EFNA5: variants seen among roughly 807,000 people sequenced by gnomAD.
The protein encoded by EFNA5 is ephrin A5.
A neutral mutation model predicts 22.9 loss-of-function variants in EFNA5; 5 were observed. The ratio of observed to expected loss-of-function variants is 0.22; its 90% CI spans 0.11 to 0.46. The LOEUF is 0.46. EFNA5 is among the 20% of genes least tolerant of loss of function. The pLI, the probability that EFNA5 is intolerant of heterozygous loss-of-function variation, is 0.99. For synonymous variants in EFNA5, 113 were observed against 112.2 expected (o/e 1.01, Z -0.04); for missense variants, 237 against 293.3 (o/e 0.81, Z 1.40).
chr5:107,656,452 T>C (rs527244175), intron 1 of EFNA5, among the ~76,000 whole-genome samples: 1 of 152,282 alleles, frequency 6.6e-6, no homozygotes, highest in South Asian at 2.1e-4. Flanking sequence ...TATTACAAAA[T>C]GATACAATTT....
intron 2 of EFNA5, among the ~76,000 whole-genome samples, chr5:107,398,854 C>CAAAAAAAAAAAAAAAAA (rs1214380627): frequency 1.5e-5 from 1 of 65,004 alleles, no homozygotes. Flanking sequence ...GACACTGCCT[C>CAAAAAAAAAAAAAAAAA]AAAAAAAAAA....
chr5:107,463,081 A>C (rs1412962288), intron 1 of EFNA5, among the ~76,000 whole-genome samples: 1 of 152,132 alleles, frequency 6.6e-6, no homozygotes, highest in African/African-American at 2.4e-5. Flanking sequence ...GATTAGATAG[A>C]GAGGCAAGGG....
At chr5:107,381,730 C>T (rs532851936) in intron 4 of EFNA5, among the ~76,000 whole-genome samples, 1 of 150,656 alleles carries the variant, frequency 6.6e-6, no homozygotes, top group South Asian at 2.1e-4. Context: ...ATGTCACAGG[C>T]AAGCAAGTGA....
At position 107,639,784 on chromosome 5, in the gene EFNA5, A is replaced by G. The variant is rs909627305; in HGVS notation, c.125+30705T>C. ...ATCAAACAAATGTCTATTAAAACAC[A>G]TTTTTTGTTTCTTAAAAAAAACCCA... On this transcript the variant is annotated intron_variant, in intron 1 of 4. Coordinates refer to ENST00000333274, the MANE Select transcript of EFNA5 (RefSeq NM_001962.3). 2.6e-5 allele frequency among the ~76,000 whole-genome samples: 4 copies of G among 152,140 alleles called. No individual in the cohort carries two copies. The East Asian group carries it at 5.8e-4, about 22-fold the overall frequency.
intron 1 of EFNA5, among the ~76,000 whole-genome samples, chr5:107,466,729 A>T (rs1209198063): frequency 6.6e-6 from 1 of 152,172 alleles, no homozygotes; most frequent in Non-Finnish European, 1.5e-5. Flanking sequence ...TCTGTAAGTT[A>T]GTGTGGTGAG....
intron 1 of EFNA5, among the ~76,000 whole-genome samples, chr5:107,551,020 T>C (rs886353844): frequency 6.6e-6 from 1 of 152,218 alleles, no homozygotes; most frequent in Non-Finnish European, 1.5e-5. Context: ...TTTAATAATA[T>C]CACATAAACT....
At chr5:107,454,662 T>A (rs1749648049) in intron 1 of EFNA5, among the ~76,000 whole-genome samples, 1 of 152,168 alleles carries the variant, frequency 6.6e-6, no homozygotes, top group Non-Finnish European at 1.5e-5. Flanking sequence ...ATACTAACAT[T>A]TTTTAGTGCC....
intron 1 of EFNA5, among the ~76,000 whole-genome samples, chr5:107,531,779 G>A (rs985583508): frequency 1.3e-5 from 2 of 152,188 alleles, no homozygotes; most frequent in African/African-American, 4.8e-5. Context: ...AAATACTAAC[G>A]TAATGTGCAG....
chr5:107,404,814 A>C (rs1034691646), intron 2 of EFNA5, among the ~76,000 whole-genome samples: 1 of 152,104 alleles, frequency 6.6e-6, no homozygotes, highest in Non-Finnish European at 1.5e-5. Flanking sequence ...AGTCTGGGGG[A>C]GGTTGAAACT....
chr5:107,549,476 G>T (rs1054242493), intron 1 of EFNA5, among the ~76,000 whole-genome samples: 8 of 152,346 alleles, frequency 5.3e-5, no homozygotes, highest in African/African-American at 1.4e-4. Context: ...GTAGCAGCTT[G>T]TTAGTCCCCT....
At chr5:107,617,853 C>T (rs1441634271) in intron 1 of EFNA5, among the ~76,000 whole-genome samples, 1 of 152,096 alleles carries the variant, frequency 6.6e-6, no homozygotes, top group African/African-American at 2.4e-5. Context: ...CTATAAAAAA[C>T]TCAGATTCAA....
chr5:107,651,200 A>G (rs1750722222), intron 1 of EFNA5, among the ~76,000 whole-genome samples: 1 of 152,170 alleles, frequency 6.6e-6, no homozygotes, highest in African/African-American at 2.4e-5. Context: ...ACCTTTGGCT[A>G]GTATAAAGTA....
chr5:107,395,650 C>A (rs1232069082), intron 2 of EFNA5, among the ~76,000 whole-genome samples: 1 of 152,142 alleles, frequency 6.6e-6, no homozygotes, highest in Non-Finnish European at 1.5e-5. Flanking sequence ...TAAGGCCACA[C>A]AATATTTAAG....
intron 1 of EFNA5, among the ~76,000 whole-genome samples, chr5:107,478,397 CT>C (rs1750368279): frequency 6.6e-6 from 1 of 152,188 alleles, no homozygotes; most frequent in Non-Finnish European, 1.5e-5. Context: ...AATACTGCCC[CT>C]ACTCCGGTTA....
At chr5:107,399,423 G>GAC (rs1180271876) in intron 2 of EFNA5, among the ~76,000 whole-genome samples, 4 of 151,654 alleles carry the variant, frequency 2.6e-5, no homozygotes, top group African/African-American at 9.7e-5. Flanking sequence ...AGGAGAGAGA[G>GAC]AGAGAGAAAG....
intron 1 of EFNA5, among the ~76,000 whole-genome samples, chr5:107,585,034 T>C (rs1429557638): frequency 4.6e-5 from 7 of 152,048 alleles, no homozygotes; most frequent in African/African-American, 1.7e-4. Context: ...ATTGCTGATA[T>C]TATGGGACTA....
At chr5:107,482,308 C>CAA (rs11400186) in intron 1 of EFNA5, among the ~76,000 whole-genome samples, 46,991 of 136,804 alleles carry the variant, frequency 0.34, 7,686 homozygotes, top group South Asian at 0.5. Flanking sequence ...GATCTTGTCT[C>CAA]AAAAAAAAAA....
chr5:107,608,258 C>T (rs1266849642), intron 1 of EFNA5, among the ~76,000 whole-genome samples: 1 of 152,142 alleles, frequency 6.6e-6, no homozygotes, highest in Non-Finnish European at 1.5e-5. Flanking sequence ...CAGTTCAGTC[C>T]CCAAATGGCT....
intron 1 of EFNA5, among the ~76,000 whole-genome samples, chr5:107,569,559 T>TTATTTATA (rs1554067018): frequency 9.4e-5 from 4 of 42,530 alleles, no homozygotes; most frequent in Non-Finnish European, 1.7e-4. Flanking sequence ...ATATATATAT[T>TTATTTATA]TATATATATA....
Sources: gnomAD v4.1 joint callset for allele counts (sites outside exome capture counted in the v4.1 genomes callset) on GRCh38, gnomAD v4.1.1 for gene constraint, MANE v1.5 for transcripts, NCBI Gene and HGNC (gene_info 2026-07-23, HGNC 2026-07-21) for gene names.